Variants in GBF1 observed in about 807,000 individuals in gnomAD.
The protein encoded by GBF1 is golgi brefeldin A resistant guanine nucleotide exchange factor 1.
In GBF1, 114 loss-of-function variants were observed where a neutral mutation model predicts 210.5. That is an observed-to-expected ratio of 0.54 (90% CI 0.47 to 0.63). GBF1 has a LOEUF of 0.63. GBF1 is among the 30% of genes least tolerant of loss of function. GBF1 has a pLI of 0.00. For missense variants in GBF1, 1,851 were observed against 2,357.7 expected (o/e 0.79, Z 4.45); for synonymous variants, 850 against 889.2 (o/e 0.96, Z 0.78).
At chr10:102,323,239 G>GAAAAAAA (rs775888621) in intron 3 of GBF1, among the ~76,000 whole-genome samples, 32 of 65,750 alleles carry the variant, frequency 4.9e-4, no homozygotes, top group South Asian at 1.8e-3. Context: ...CTCCAAAATT[G>GAAAAAAA]AAAAAAAAAA....
chr10:102,236,290 T>A, the GBF1 span, among the ~76,000 whole-genome samples: 2 of 152,088 alleles, frequency 1.3e-5, no homozygotes, highest in East Asian at 1.9e-4. Flanking sequence ...AAGCAGTAGG[T>A]CTGGAAGCCG....
At chr10:102,252,155 C>T (rs1046555462) in intron 1 of GBF1, among the ~76,000 whole-genome samples, 1 of 151,906 alleles carries the variant, frequency 6.6e-6, no homozygotes, top group Non-Finnish European at 1.5e-5. Context: ...GCCTGACCAA[C>T]ACGGAGAAAC....
At chr10:102,334,813 C>T (rs1188419587) in intron 3 of GBF1, among the ~76,000 whole-genome samples, 1 of 151,208 alleles carries the variant, frequency 6.6e-6, no homozygotes, top group Non-Finnish European at 1.5e-5. Context: ...TGCACCATTG[C>T]ACTCCAGGCT....
chr10:102,340,471 C>T (rs902265571), intron 3 of GBF1, among the ~76,000 whole-genome samples: 1 of 151,934 alleles, frequency 6.6e-6, no homozygotes, highest in African/African-American at 2.4e-5. Context: ...GACGGGGTTT[C>T]ACCGTGTTAG....
intron 23 of GBF1, 92 bp downstream of exon 23, chr10:102,368,924 C>G (rs2060057239): frequency 5.7e-6 from 5 of 874,658 alleles, no homozygotes. Flanking sequence ...CCTGGTTGCC[C>G]TCAGCGTCTT....
intron 9 of GBF1, 34 bp from the exon 10 acceptor site, chr10:102,358,472 T>C: frequency 6.7e-7 from 1 of 1,482,410 alleles, no homozygotes; most frequent in South Asian, 1.1e-5. Context: ...AGCCTCTTTC[T>C]TCTCCTTCAA....
chr10:102,295,721 T>A (rs796699612), intron 3 of GBF1, among the ~76,000 whole-genome samples: 19 of 152,286 alleles, frequency 1.2e-4, no homozygotes, highest in African/African-American at 4.6e-4. Context: ...AAGCTTTTTT[T>A]AAAAGACTTA....
intron 8 of GBF1, among the ~76,000 whole-genome samples, 190 bp from the exon 9 acceptor site, chr10:102,357,849 C>T (rs1482757718): frequency 6.6e-6 from 1 of 152,090 alleles, no homozygotes; most frequent in Non-Finnish European, 1.5e-5. Context: ...GCCATGCCAA[C>T]CTGTGAAGTG....
At chr10:102,344,949 T>G (rs1388521534) in intron 4 of GBF1, among the ~76,000 whole-genome samples, 1 of 152,196 alleles carries the variant, frequency 6.6e-6, no homozygotes, top group East Asian at 1.9e-4. Flanking sequence ...TGAATCTTTA[T>G]GTTTTTCTAT....
chr10:102,367,062 A>G (rs1272348761), intron 19 of GBF1, 23 bp from the exon 20 acceptor site: 1 of 1,613,366 alleles, frequency 6.2e-7, no homozygotes, highest in Non-Finnish European at 8.5e-7. Flanking sequence ...GCATTGACAC[A>G]GGCGGGATCT....
At chr10:102,380,157 T>A in intron 36 of GBF1, 92 bp from the exon 37 acceptor site, 1 of 846,696 alleles carries the variant, frequency 1.2e-6, no homozygotes, top group Non-Finnish European at 2.0e-6. Context: ...AAGATTCTCA[T>A]GCAAGATAGG....
intron 3 of GBF1, among the ~76,000 whole-genome samples, chr10:102,296,110 G>T (rs1047236609): frequency 6.6e-6 from 1 of 152,118 alleles, no homozygotes; most frequent in Non-Finnish European, 1.5e-5. Flanking sequence ...CTTTCAGTTT[G>T]TGATTTCTGA....
chr10:102,313,273 A>T (rs918187588), intron 3 of GBF1, among the ~76,000 whole-genome samples: 2 of 152,130 alleles, frequency 1.3e-5, no homozygotes, highest in South Asian at 4.1e-4. Flanking sequence ...AGTACACATG[A>T]GTCGGTACTG....
At chr10:102,352,193 A>C (rs1433507544) in intron 6 of GBF1, among the ~76,000 whole-genome samples, 1 of 152,196 alleles carries the variant, frequency 6.6e-6, no homozygotes, top group African/African-American at 2.4e-5. Flanking sequence ...CCCAGGCACC[A>C]AATCACCCTC....
At chr10:102,280,674 A>C (rs1006203847) in intron 3 of GBF1, among the ~76,000 whole-genome samples, 1 of 152,302 alleles carries the variant, frequency 6.6e-6, no homozygotes, top group South Asian at 2.1e-4. Flanking sequence ...AATACTGTCC[A>C]TATTTTGTCT....
In GBF1 at chr10:102,379,777, C is replaced by G. The variant is rs2060726253; in HGVS notation, c.4777-76C>G. On this transcript the variant is annotated intron_variant, in intron 35 of 39. Transcript: ENST00000369983. Reference sequence around the variant, plus strand: ...ACCTTCCCTTCAGCTCTATGCCCATCCAGTTCCTGGCTTCCTTGGGGCAAG... The same window carrying G: ...ACCTTCCCTTCAGCTCTATGCCCATGCAGTTCCTGGCTTCCTTGGGGCAAG... 29 of 1,471,104 alleles carry G rather than the reference C, an allele frequency of 2.0e-5. No individual in the cohort carries two copies. The South Asian group carries it at 3.1e-4, about 16-fold the overall frequency. 91.1% of individuals were successfully genotyped at this position (1,471,104 alleles called of 1,614,324 possible).
Position 102,376,299 on chromosome 10 carries a change from C to G in GBF1, c.3914C>G (p.Ser1305Cys). The G allele has an allele frequency of 6.2e-7, 1 of 1,614,102 alleles. No homozygotes were observed. Among genetic ancestry groups the G allele is most frequent in the Non-Finnish European group, 8.5e-7 (1 of 1,179,960 alleles). Residue 1305 changes from serine (S) to cysteine (C), a missense_variant, in exon 31 of 40, where the codon TCC (serine) becomes TGC (cysteine). Transcript: ENST00000369983. ...GCCCAGTCAGATAGTGAGCTCCCATCCTACCATCAGAATGACGTGAGCCTG... is the reference window on the plus strand; with the variant it reads ...GCCCAGTCAGATAGTGAGCTCCCATGCTACCATCAGAATGACGTGAGCCTG... Reference protein sequence around the residue: ...AGAQSDSELPSYHQNDVSLDR... With the variant: ...AGAQSDSELPCYHQNDVSLDR...
At chr10:102,293,778 T>TTTTTG (rs1589521569) in intron 3 of GBF1, among the ~76,000 whole-genome samples, 1 of 78,906 alleles carries the variant, frequency 1.3e-5, no homozygotes, top group East Asian at 3.2e-4. Flanking sequence ...TGTGTTTTTT[T>TTTTTG]TTTTTTTTTT....
intron 3 of GBF1, among the ~76,000 whole-genome samples, chr10:102,260,465 T>A (rs913686143): frequency 7.9e-6 from 1 of 127,188 alleles, no homozygotes; most frequent in African/African-American, 3.1e-5. Context: ...TGGCCTATAT[T>A]TTCCTTTCTT....
Sources: allele counts gnomAD v4.1 joint callset (sites outside exome capture counted in the v4.1 genomes callset), GRCh38; gene constraint gnomAD v4.1.1; transcripts MANE v1.5; gene names NCBI Gene and HGNC (gene_info 2026-07-23, HGNC 2026-07-21).